The following FHIT variants were observed in gnomAD, a reference collection of about 807,000 sequenced individuals.
FHIT encodes the protein fragile histidine triad diadenosine triphosphatase.
A neutral mutation model predicts 17.9 loss-of-function variants in FHIT; 19 were observed. The ratio of observed to expected loss-of-function variants is 1.06; its 90% CI spans 0.74 to 1.56. The LOEUF (loss-of-function observed/expected upper bound fraction) is 1.56, where lower values mean the gene tolerates loss of function less well. Among genes scored for constraint, FHIT ranks in the 40% most tolerant of loss-of-function variants. FHIT has a pLI of 0.00. For synonymous variants in FHIT, 81 were observed against 69.7 expected, an observed-to-expected ratio of 1.16 and a Z score of -0.81; for missense variants, 248 against 189.2, an observed-to-expected ratio of 1.31 and a Z score of -1.82.
intron 8 of FHIT, among the ~76,000 whole-genome samples, chr3:59,908,760 G>A (rs997689662): frequency 1.3e-5 from 2 of 152,004 alleles, no homozygotes; most frequent in East Asian, 3.8e-4. Flanking sequence ...TGAACTTGCT[G>A]AGCAAAACCT....
At chr3:61,022,364 C>T (rs958486027) in intron 3 of FHIT, among the ~76,000 whole-genome samples, 4 of 152,216 alleles carry the variant, frequency 2.6e-5, no homozygotes, top group Middle Eastern at 3.4e-3. Context: ...AGCCTACCAA[C>T]CAAACAAAGC....
chr3:60,121,049 A>T (rs1705223134), intron 5 of FHIT, among the ~76,000 whole-genome samples: 2 of 152,170 alleles, frequency 1.3e-5, no homozygotes, highest in African/African-American at 4.8e-5. Context: ...TAATTAAAGA[A>T]TCATGAAATC....
chr3:60,716,385 T>C (rs1261293900), intron 4 of FHIT, among the ~76,000 whole-genome samples: 1 of 152,198 alleles, frequency 6.6e-6, no homozygotes, highest in Admixed American at 6.5e-5. Flanking sequence ...TTTTAAATAT[T>C]TGTATTATTT....
chr3:60,183,842 C>G (rs1229342543), intron 5 of FHIT, among the ~76,000 whole-genome samples: 1 of 152,094 alleles, frequency 6.6e-6, no homozygotes. Flanking sequence ...TAATTTTAGA[C>G]TAGTTTTAAA....
At chr3:60,391,835 G>A (rs1333966538) in intron 5 of FHIT, among the ~76,000 whole-genome samples, 1 of 152,004 alleles carries the variant, frequency 6.6e-6, no homozygotes, top group Non-Finnish European at 1.5e-5. Context: ...GGATATTGAG[G>A]GGCTGCCTGA....
intron 1 of FHIT, among the ~76,000 whole-genome samples, chr3:61,233,699 T>C (rs1399576666): frequency 1.3e-5 from 2 of 152,178 alleles, no homozygotes; most frequent in African/African-American, 4.8e-5. Flanking sequence ...TTCTGCAATA[T>C]GAGAAAAAAG....
intron 5 of FHIT, among the ~76,000 whole-genome samples, chr3:60,105,049 G>C (rs1704349549): frequency 1.3e-5 from 2 of 152,158 alleles, no homozygotes; most frequent in Admixed American, 1.3e-4. Flanking sequence ...CTGGGTGACT[G>C]CTCTGTACCG....
chr3:60,269,250 T>A (rs1387324700), intron 5 of FHIT, among the ~76,000 whole-genome samples: 1 of 152,230 alleles, frequency 6.6e-6, no homozygotes, highest in Non-Finnish European at 1.5e-5. Flanking sequence ...GTATGAGCCA[T>A]CAAGATATTT....
At chr3:59,868,057 A>ATT (rs1559680435) in intron 8 of FHIT, among the ~76,000 whole-genome samples, 6 of 147,580 alleles carry the variant, frequency 4.1e-5, no homozygotes, top group Non-Finnish European at 8.8e-5. Context: ...TAAAAAAAAA[A>ATT]AAAAAAAAAC....
At chr3:60,494,336 A>AT (rs1173680422) in intron 5 of FHIT, among the ~76,000 whole-genome samples, 1 of 152,094 alleles carries the variant, frequency 6.6e-6, no homozygotes, top group Non-Finnish European at 1.5e-5. Context: ...TTTAATTTTT[A>AT]TTTTTGTAGG....
chr3:60,190,306 T>A (rs1459692745), intron 5 of FHIT, among the ~76,000 whole-genome samples: 6 of 149,028 alleles, frequency 4.0e-5, no homozygotes, highest in Non-Finnish European at 7.4e-5. Context: ...TTCTCAGAAA[T>A]GACGCAGTGA....
chr3:60,960,690 G>C (rs553287752), intron 3 of FHIT, among the ~76,000 whole-genome samples: 2 of 152,202 alleles, frequency 1.3e-5, no homozygotes, highest in East Asian at 3.9e-4. Context: ...GCAGTGTTTG[G>C]TTTTCTGTCC....
At chr3:60,127,099 G>C (rs1488591679) in intron 5 of FHIT, among the ~76,000 whole-genome samples, 1 of 152,186 alleles carries the variant, frequency 6.6e-6, no homozygotes, top group East Asian at 1.9e-4. Flanking sequence ...GCTTCTACTT[G>C]TGCAATCTCC....
intron 5 of FHIT, among the ~76,000 whole-genome samples, chr3:60,054,847 C>T (rs142407948): frequency 1.5e-4 from 23 of 152,136 alleles, no homozygotes; most frequent in African/African-American, 1.9e-4. Flanking sequence ...CCTTAGCCTC[C>T]GCAATAATAA....
chr3:60,986,548 C>A (rs1393452285), intron 3 of FHIT, among the ~76,000 whole-genome samples: 1 of 152,178 alleles, frequency 6.6e-6, no homozygotes, highest in African/African-American at 2.4e-5. Context: ...TTACTGCCAA[C>A]AGTAAATCTT....
chr3:59,758,551 T>C (rs1390352029), intron 8 of FHIT, among the ~76,000 whole-genome samples: 1 of 152,164 alleles, frequency 6.6e-6, no homozygotes, highest in Non-Finnish European at 1.5e-5. Context: ...CCTCTGACTG[T>C]TCAAGAATAA....
chr3:60,270,707 T>C (rs954627683), intron 5 of FHIT, among the ~76,000 whole-genome samples: 3 of 152,208 alleles, frequency 2.0e-5, no homozygotes, highest in African/African-American at 7.2e-5. Context: ...AGAGCTCTAA[T>C]ATTCAGTTTC....
chr3:60,348,566 T>C (rs1474423815), intron 5 of FHIT, among the ~76,000 whole-genome samples: 1 of 152,174 alleles, frequency 6.6e-6, no homozygotes, highest in African/African-American at 2.4e-5. Flanking sequence ...TTCTAAGAAA[T>C]ACAAGGTAAG....
intron 5 of FHIT, among the ~76,000 whole-genome samples, chr3:60,117,489 C>G (rs1373977057): frequency 8.5e-6 from 1 of 117,594 alleles, no homozygotes; most frequent in Non-Finnish European, 1.6e-5. Context: ...CTATTACTTC[C>G]TATCTAAAAA....
Sources: gnomAD v4.1 joint callset for allele counts (sites outside exome capture counted in the v4.1 genomes callset) on GRCh38, gnomAD v4.1.1 for gene constraint, MANE v1.5 for transcripts, NCBI Gene and HGNC (gene_info 2026-07-23, HGNC 2026-07-21) for gene names.